GRID2IP: variants seen among roughly 807,000 people sequenced by gnomAD.
GRID2IP encodes the protein Grid2 interacting protein, also known as delphilin.
In GRID2IP, 78 loss-of-function variants were observed where a neutral mutation model predicts 114.3. That is an observed-to-expected ratio of 0.68 (90% confidence interval 0.57 to 0.82). The LOEUF is 0.82. Ranked by LOEUF, GRID2IP falls within the 40% of genes least tolerant of loss-of-function variation. GRID2IP has a pLI of 0.00. For missense variants in GRID2IP, 1,727 were observed against 1,678.5 expected (o/e 1.03, Z -0.51); for synonymous variants, 809 against 724.0 (o/e 1.12, Z -1.89).
At chr7:6,547,711 G>A (rs1362563125) in intron 1 of GRID2IP, among the ~76,000 whole-genome samples, 2 of 152,144 alleles carry the variant, frequency 1.3e-5, no homozygotes, top group South Asian at 2.1e-4. Flanking sequence ...TGGCCACAGA[G>A]GCTGGTCTAC....
chr7:6,521,447 G>A lies in GRID2IP; in HGVS notation c.1066C>T (p.Leu356Phe). The A allele has an allele frequency of 6.5e-7, 1 of 1,547,666 alleles. No homozygotes were observed. Among genetic ancestry groups the A allele is most frequent in the Non-Finnish European group, 8.7e-7 (1 of 1,145,002 alleles). The change falls in exon 6 of 22, where the codon CTC becomes TTC. Residue 356 changes from leucine (L) to phenylalanine (F), a missense_variant. By Grantham distance (22) the Leu-to-Phe change is conservative. Coordinates refer to ENST00000457091, the MANE Select transcript of GRID2IP (RefSeq NM_001145118.2). The surrounding 1 kb of genome is among the most constrained non-coding windows in gnomAD (Gnocchi z 4.1). ...GTCTCACCACTGGCAAATGGGACGA[G>A]CCCTTCCTCCACCACCAGCGTGGGC... Reference protein sequence around the residue: ...AMPTLVVEEGLVPFASDSDSL... With the variant: ...AMPTLVVEEGFVPFASDSDSL...
intron 1 of GRID2IP, 28 bp downstream of exon 1, chr7:6,550,980 G>GGGCCCC: frequency 1.8e-6 from 1 of 550,058 alleles, no homozygotes; most frequent in Non-Finnish European, 2.3e-6. Flanking sequence ...CCTCCTTCCC[G>GGGCCCC]CCCCCACCTC....
chr7:6,546,903 G>A (rs1451710912), intron 1 of GRID2IP, among the ~76,000 whole-genome samples: 1 of 152,154 alleles, frequency 6.6e-6, no homozygotes, highest in Non-Finnish European at 1.5e-5. Flanking sequence ...CTCCATGGCA[G>A]GTGATCTGGG....
At chr7:6,535,727 T>C (rs1055582526) in intron 2 of GRID2IP, among the ~76,000 whole-genome samples, 1 of 152,008 alleles carries the variant, frequency 6.6e-6, no homozygotes, top group Admixed American at 6.6e-5. Context: ...ACCTTGTCTC[T>C]CCTCAATGTG....
At chr7:6,499,603 G>A (rs896398711) in intron 20 of GRID2IP, among the ~76,000 whole-genome samples, 2 of 151,906 alleles carry the variant, frequency 1.3e-5, no homozygotes, top group Non-Finnish European at 2.9e-5. Flanking sequence ...GCTAATTTTT[G>A]TATGTCTAGT....
chr7:6,526,479 G>T lies in GRID2IP; in HGVS notation c.833+42C>A, dbSNP rs1048619535. 8 of 1,381,890 alleles carry T rather than the reference G, an allele frequency of 5.8e-6. No individual in the cohort carries two copies. The highest frequency in any genetic ancestry group is 5.9e-5 in the Admixed American group (2 of 33,982). The allele number at this position is 1,381,890 out of a possible 1,614,324, so 85.6% of individuals were successfully genotyped here. On this transcript the variant is annotated intron_variant, in intron 3 of 21. Transcript: ENST00000457091. This position sits in a 1 kb window ranked among gnomAD's most constrained non-coding sequence, Gnocchi z 7.6. Reference sequence around the variant, plus strand: ...CCGGGTCTCGGTCCCGAGCCCACCCGCAGGGAGGCGCCCGCTGCCAGTGCC... The same window carrying T: ...CCGGGTCTCGGTCCCGAGCCCACCCTCAGGGAGGCGCCCGCTGCCAGTGCC...
chr7:6,535,413 T>G (rs1341932989), intron 2 of GRID2IP, among the ~76,000 whole-genome samples: 1 of 152,256 alleles, frequency 6.6e-6, no homozygotes, highest in Admixed American at 6.5e-5. Flanking sequence ...TCCCTTCTCC[T>G]TCTCCCCAAG....
intron 20 of GRID2IP, among the ~76,000 whole-genome samples, chr7:6,500,793 C>T (rs1186820239): frequency 6.6e-6 from 1 of 152,214 alleles, no homozygotes; most frequent in Non-Finnish European, 1.5e-5. Flanking sequence ...GGGGGAGCAG[C>T]GAGAACTGCC....
At position 6,508,100 on chromosome 7, in the gene GRID2IP, G is replaced by A; in HGVS notation, c.2429C>T (p.Ala810Val). 2 of 1,165,894 alleles carry A rather than the reference G, an allele frequency of 1.7e-6. No individual in the cohort carries two copies. The highest frequency in any genetic ancestry group is 1.1e-6 in the Non-Finnish European group (1 of 870,838). The allele number at this position is 1,165,894 out of a possible 1,614,324, so 72.2% of individuals were successfully genotyped here. Residue 810 changes from alanine to valine, a missense_variant, in exon 13 of 22, where the codon GCA (alanine) becomes GTA (valine). Ala to Val is a moderately conservative substitution (Grantham distance 64). Transcript: ENST00000457091. This position sits in a 1 kb window ranked among gnomAD's most constrained non-coding sequence, Gnocchi z 5.6. ...PPPLPPPVPC[A>V]PPMLSRGLGH... The stretch of plus-strand genomic sequence containing the variant: ...CAGGCCCCGGGACAGCATGGGGGGT[G>A]CACAGGGCACGGGTGGGGGCAGGGG...
At chr7:6,513,215 C>T (rs1288961475) in intron 8 of GRID2IP, among the ~76,000 whole-genome samples, 2 of 151,808 alleles carry the variant, frequency 1.3e-5, no homozygotes, top group Non-Finnish European at 2.9e-5. Flanking sequence ...GTCTGGCAAC[C>T]ACGTGAGTTT....
At chr7:6,522,020 G>T in intron 4 of GRID2IP, 63 bp from the exon 5 acceptor site, 1 of 1,324,870 alleles carries the variant, frequency 7.5e-7, no homozygotes, top group Non-Finnish European at 1.1e-6. Context: ...AGAGCAGGAT[G>T]CTATCCTGTT....
chr7:6,534,985 A>C lies in GRID2IP; in HGVS notation c.584+4733T>G, dbSNP rs905804979. 6.6e-6 allele frequency among the ~76,000 whole-genome samples: 1 copy of C among 152,240 alleles called. No individual in the cohort carries two copies. The highest frequency in any genetic ancestry group is 1.5e-5 in the Non-Finnish European group (1 of 68,036). On this transcript the variant is annotated intron_variant, in intron 2 of 21. Coordinates refer to ENST00000457091, the MANE Select transcript of GRID2IP (RefSeq NM_001145118.2). This position sits in a 1 kb window ranked among gnomAD's most constrained non-coding sequence, Gnocchi z 4.5. ...ACTGCAATCTCCGCCTCCCAGGTTC[A>C]AGCGATGCTCCTGCCTCAGCCTCCC...
At chr7:6,518,890 A>G (rs1779360986) in intron 7 of GRID2IP, among the ~76,000 whole-genome samples, 1 of 150,244 alleles carries the variant, frequency 6.7e-6, no homozygotes, top group Admixed American at 6.8e-5. Context: ...GTTAGACACA[A>G]AACATGATAT....
In GRID2IP at chr7:6,510,304, G is replaced by C; in HGVS notation, c.1750C>G (p.Pro584Ala). 1.3e-6 allele frequency: 2 copies of C among 1,546,266 alleles called. No individual in the cohort carries two copies. Among genetic ancestry groups the C allele is most frequent in the South Asian group, 2.4e-5 (2 of 83,186 alleles). ...VSKSRASPPGPSPAVTTGPRT... is the reference protein window; with the variant it reads ...VSKSRASPPGASPAVTTGPRT... ...CTACCTGTGGTGACTGCTGGGCTGG[G>C]GCCTGGAGGGGAAGCCCGGGATTTG... The change falls in exon 11 of 22, where the codon CCC becomes GCC. Residue 584 changes from proline to alanine, a missense_variant. By Grantham distance (27) the Pro-to-Ala change is conservative. Transcript: ENST00000457091.
rs1398792311 is a variant in GRID2IP, at chr7:6,506,068, C to T, written c.2545-161G>A. Among the ~76,000 whole-genome samples the T allele has an allele frequency of 6.6e-6, 1 of 152,182 alleles. No homozygotes were observed. Among genetic ancestry groups the T allele is most frequent in the African/African-American group, 2.4e-5 (1 of 41,448 alleles). ...AGCAGGAGGAGACTGCAGGAGAAGC[C>T]AGATCATCCGAGTCACCGGGTGCTG... On this transcript the variant is annotated intron_variant, in intron 13 of 21. Coordinates refer to ENST00000457091, the MANE Select transcript of GRID2IP (RefSeq NM_001145118.2). The surrounding 1 kb of genome is among the most constrained non-coding windows in gnomAD (Gnocchi z 5.2).
intron 2 of GRID2IP, among the ~76,000 whole-genome samples, chr7:6,533,516 GC>G (rs1293117460): frequency 6.7e-6 from 1 of 149,654 alleles, no homozygotes; most frequent in African/African-American, 2.5e-5. Context: ...GTACCACTAT[GC>G]CTGGCTAATT....
At chr7:6,541,696 A>ATTGGAAATGAGCATGCAAATGGTCATG (rs1403004026) in intron 1 of GRID2IP, among the ~76,000 whole-genome samples, 2 of 152,196 alleles carry the variant, frequency 1.3e-5, no homozygotes, top group African/African-American at 4.8e-5. Context: ...AAATGGGCAC[A>ATTGGAAATGAGCATGCAAATGGTCATG]TTGGAAATGA....
Position 6,508,957 on chromosome 7 carries a change from C to T in GRID2IP, c.2127+1G>A. ...CCCTCCACACCTGCTTGCGTGCCCA[C>T]CTCCTCGTAGTCGTTCTCCGGGGTC... On this transcript the variant is annotated splice_donor_variant, in intron 12 of 21. Coordinates refer to ENST00000457091, the MANE Select transcript of GRID2IP (RefSeq NM_001145118.2). LOFTEE classifies it high-confidence loss of function. The surrounding 1 kb of genome is among the most constrained non-coding windows in gnomAD (Gnocchi z 5.6). 6.5e-7 allele frequency: 1 copy of T among 1,545,576 alleles called. No individual in the cohort carries two copies. The highest frequency in any genetic ancestry group is 8.7e-7 in the Non-Finnish European group (1 of 1,146,332).
chr7:6,530,984 C>A (rs1299084465), intron 2 of GRID2IP: 8 of 610,084 alleles, frequency 1.3e-5, no homozygotes, highest in African/African-American at 5.8e-5. Context: ...TCCAGCCCCA[C>A]CCGCTTTCAG....
Sources: gnomAD v4.1 joint callset for allele counts (sites outside exome capture counted in the v4.1 genomes callset) on GRCh38, gnomAD v4.1.1 for gene constraint, Gnocchi (gnomAD v3.1) non-coding constraint, MANE v1.5 for transcripts, NCBI Gene and HGNC (gene_info 2026-07-23, HGNC 2026-07-21) for gene names.